Variants in SV2C observed in about 807,000 individuals in gnomAD.
The protein encoded by SV2C is synaptic vesicle glycoprotein 2C.
SV2C carries 49 observed loss-of-function variants against 79.7 expected under a neutral mutation model. That is an observed-to-expected ratio of 0.61 (90% CI 0.49 to 0.78). SV2C has a LOEUF of 0.78. Ranked by LOEUF, SV2C falls within the 30% of genes least tolerant of loss-of-function variation. The pLI, the probability that SV2C is intolerant of heterozygous loss-of-function variation, is 0.00. For missense variants in SV2C, 833 were observed against 912.9 expected (o/e 0.91, Z 1.13); for synonymous variants, 334 against 333.2 (o/e 1.00, Z -0.03).
intron 1 of SV2C, among the ~76,000 whole-genome samples, chr5:76,095,015 C>T (rs1747505410): frequency 6.6e-6 from 1 of 151,728 alleles, no homozygotes; most frequent in African/African-American, 2.4e-5. Flanking sequence ...CTAAAAATCT[C>T]ACCAAAAAGC....
At chr5:75,882,411 T>A in the SV2C span, among the ~76,000 whole-genome samples, 1 of 148,742 alleles carries the variant, frequency 6.7e-6, no homozygotes, top group African/African-American at 2.5e-5. Flanking sequence ...TTAAAGTTCA[T>A]ATGGAACCAA....
At chr5:76,001,446 CA>C in the SV2C span, among the ~76,000 whole-genome samples, 1 of 151,972 alleles carries the variant, frequency 6.6e-6, no homozygotes, top group Non-Finnish European at 1.5e-5. Context: ...ACTGAAAATA[CA>C]AAAAATTAGC....
At chr5:76,103,852 T>A (rs914920517) in intron 1 of SV2C, among the ~76,000 whole-genome samples, 2 of 152,164 alleles carry the variant, frequency 1.3e-5, no homozygotes, top group Non-Finnish European at 1.5e-5. Flanking sequence ...GGATACACTT[T>A]CCAACTCATT....
chr5:76,016,846 T>C, the SV2C span, among the ~76,000 whole-genome samples: 7 of 152,230 alleles, frequency 4.6e-5, no homozygotes, highest in Non-Finnish European at 7.3e-5. Flanking sequence ...GGCATGGCTT[T>C]CTTTTTGCTT....
At chr5:75,941,653 T>C in the SV2C span, among the ~76,000 whole-genome samples, 91,498 of 152,132 alleles carry the variant, frequency 0.6, 28,415 homozygotes, top group African/African-American at 0.76. Flanking sequence ...TGGCTCATAA[T>C]TCCTATAACC....
At chr5:76,336,457 C>T (rs2112581886), downstream of SV2C, among the ~76,000 whole-genome samples, 1 of 151,932 alleles carries the variant, frequency 6.6e-6, no homozygotes, top group Non-Finnish European at 1.5e-5. Flanking sequence ...GATGGGCGGC[C>T]AGGCAGAGAC....
chr5:76,075,394 T>C, the SV2C span: 1 of 152,306 alleles, frequency 6.6e-6, no homozygotes, highest in Non-Finnish European at 1.5e-5. Flanking sequence ...TTATCATGAC[T>C]GATTTGGACC....
chr5:76,018,983 T>C, the SV2C span, among the ~76,000 whole-genome samples: 24 of 152,186 alleles, frequency 1.6e-4, no homozygotes, highest in Non-Finnish European at 1.9e-4. Context: ...ATTTCCAATC[T>C]GCAATAGGGA....
intron 2 of SV2C, among the ~76,000 whole-genome samples, chr5:76,190,306 T>G (rs1393536687): frequency 2.0e-5 from 3 of 152,160 alleles, no homozygotes; most frequent in Non-Finnish European, 4.4e-5. Flanking sequence ...AAGTGTGAAT[T>G]TAGAGCCAAG....
At chr5:76,078,983 C>G (rs1435139317), upstream of SV2C, 1 of 486,156 alleles carries the variant, frequency 2.1e-6, no homozygotes, top group Non-Finnish European at 4.1e-6. Flanking sequence ...CAAGACAGTA[C>G]TGGGCTGGTG....
At chr5:76,187,047 G>T (rs1488481020) in intron 2 of SV2C, among the ~76,000 whole-genome samples, 2 of 152,170 alleles carry the variant, frequency 1.3e-5, no homozygotes, top group African/African-American at 4.8e-5. Context: ...CGCAAGGGAT[G>T]GGGATCCCAT....
the SV2C span, among the ~76,000 whole-genome samples, chr5:76,008,327 T>G: frequency 0.47 from 70,879 of 152,034 alleles, 18,502 homozygotes; most frequent in Middle Eastern, 0.64. Flanking sequence ...TGATGTTGAC[T>G]TGTTAGCTCA....
chr5:75,879,119 A>G, the SV2C span, among the ~76,000 whole-genome samples: 2 of 152,308 alleles, frequency 1.3e-5, no homozygotes, highest in Non-Finnish European at 2.9e-5. Flanking sequence ...TGAATGATTC[A>G]AACACCTCCC....
At chr5:76,235,690 T>C (rs1360861933) in intron 4 of SV2C, among the ~76,000 whole-genome samples, 2 of 145,530 alleles carry the variant, frequency 1.4e-5, no homozygotes, top group African/African-American at 5.7e-5. Flanking sequence ...AAAAAGGGAT[T>C]AAGATTTTTT....
At chr5:75,959,429 T>C in the SV2C span, among the ~76,000 whole-genome samples, 1 of 151,984 alleles carries the variant, frequency 6.6e-6, no homozygotes, top group East Asian at 1.9e-4. Context: ...GAACTGATAA[T>C]TCCTCTATAC....
At chr5:76,282,002 C>T (rs1363559145) in intron 4 of SV2C, among the ~76,000 whole-genome samples, 1 of 152,208 alleles carries the variant, frequency 6.6e-6, no homozygotes, top group Non-Finnish European at 1.5e-5. Context: ...CCATAAGAAG[C>T]TTCCTGCTGT....
chr5:76,247,302 C>T (rs1745974910), intron 4 of SV2C, among the ~76,000 whole-genome samples: 1 of 149,528 alleles, frequency 6.7e-6, no homozygotes, highest in South Asian at 2.1e-4. Context: ...GGATGCTAAA[C>T]ACTTACAGGT....
chr5:76,299,362 A>G (rs1032411021), intron 10 of SV2C, among the ~76,000 whole-genome samples: 2 of 152,052 alleles, frequency 1.3e-5, no homozygotes, highest in African/African-American at 2.4e-5. Flanking sequence ...CCCCAGGGGG[A>G]AAAAAAAGGA....
the SV2C span, among the ~76,000 whole-genome samples, chr5:75,945,943 A>T: frequency 1.3e-5 from 2 of 152,080 alleles, no homozygotes; most frequent in Non-Finnish European, 2.9e-5. Context: ...CTGATAATGA[A>T]ATTTATAGTA....
Sources: allele counts gnomAD v4.1 joint callset (sites outside exome capture counted in the v4.1 genomes callset), GRCh38; gene constraint gnomAD v4.1.1; transcripts MANE v1.5; gene names NCBI Gene and HGNC (gene_info 2026-07-23, HGNC 2026-07-21).